LRMDA: variants seen among roughly 807,000 people sequenced by gnomAD.
The protein encoded by LRMDA is leucine-rich melanocyte differentiation-associated protein.
Under a neutral mutation model 29.8 loss-of-function variants are expected in LRMDA, and 18 were observed. That is an observed-to-expected ratio of 0.60 (90% CI 0.42 to 0.90). The LOEUF (loss-of-function observed/expected upper bound fraction) is 0.90, where lower values mean the gene tolerates loss of function less well. Ranked by LOEUF, LRMDA falls within the 40% of genes least tolerant of loss-of-function variation. LRMDA has a pLI of 0.00. For synonymous variants in LRMDA, 125 were observed against 109.4 expected (o/e 1.14, Z -0.89); for missense variants, 273 against 273.9 (o/e 1.00, Z 0.02).
At chr10:75,639,247 A>AT (rs1841424233) in intron 2 of LRMDA, among the ~76,000 whole-genome samples, 2 of 152,154 alleles carry the variant, frequency 1.3e-5, no homozygotes, top group Non-Finnish European at 2.9e-5. Context: ...CAAACAAGGC[A>AT]TTTTTTTGGT....
chr10:76,449,567 G>C (rs1178987997), intron 6 of LRMDA, among the ~76,000 whole-genome samples: 1 of 151,780 alleles, frequency 6.6e-6, no homozygotes, highest in East Asian at 1.9e-4. Flanking sequence ...GAAAACTTAA[G>C]GCATTCATAT....
At chr10:76,332,458 G>A (rs189214442) in intron 6 of LRMDA, among the ~76,000 whole-genome samples, 20 of 152,268 alleles carry the variant, frequency 1.3e-4, no homozygotes, top group African/African-American at 4.8e-4. Flanking sequence ...CTACGAATCT[G>A]GTTTTTCTCT....
At chr10:76,408,358 T>A (rs1466275965) in intron 6 of LRMDA, among the ~76,000 whole-genome samples, 1 of 152,160 alleles carries the variant, frequency 6.6e-6, no homozygotes, top group African/African-American at 2.4e-5. Context: ...CACCTTTGAT[T>A]AGGTCTGCTC....
At chr10:75,837,658 A>T (rs1844463924) in intron 2 of LRMDA, among the ~76,000 whole-genome samples, 1 of 152,150 alleles carries the variant, frequency 6.6e-6, no homozygotes. Context: ...GAAGTGATGG[A>T]TACCCCGTCT....
At chr10:76,405,210 C>T (rs1841890127) in intron 6 of LRMDA, among the ~76,000 whole-genome samples, 1 of 152,148 alleles carries the variant, frequency 6.6e-6, no homozygotes, top group Admixed American at 6.5e-5. Flanking sequence ...AGAATTTGAC[C>T]ATCTTGGTCC....
intron 2 of LRMDA, among the ~76,000 whole-genome samples, chr10:75,959,872 G>C (rs1846732575): frequency 6.6e-6 from 1 of 152,140 alleles, no homozygotes; most frequent in South Asian, 2.1e-4. Flanking sequence ...AAAAACATTT[G>C]GTGCTTCTGT....
intron 2 of LRMDA, among the ~76,000 whole-genome samples, chr10:75,959,770 G>T (rs1846730693): frequency 6.6e-6 from 1 of 152,026 alleles, no homozygotes; most frequent in East Asian, 1.9e-4. Flanking sequence ...CATCCAACTG[G>T]CATCCAACTG....
intron 6 of LRMDA, among the ~76,000 whole-genome samples, chr10:76,448,301 T>A (rs1167754144): frequency 6.6e-6 from 1 of 152,146 alleles, no homozygotes; most frequent in African/African-American, 2.4e-5. Flanking sequence ...GCAATTTTTT[T>A]AACAGCCCCT....
At chr10:76,426,373 T>C (rs943430338) in intron 6 of LRMDA, among the ~76,000 whole-genome samples, 7 of 152,238 alleles carry the variant, frequency 4.6e-5, no homozygotes, top group Non-Finnish European at 8.8e-5. Context: ...CATTTTTTCA[T>C]GTGTCTGTTG....
At chr10:76,187,713 C>T (rs1589368603) in intron 5 of LRMDA, among the ~76,000 whole-genome samples, 1 of 152,114 alleles carries the variant, frequency 6.6e-6, no homozygotes, top group African/African-American at 2.4e-5. Flanking sequence ...GGGGCATGAA[C>T]CTGCCAAGAG....
At chr10:75,680,777 A>G (rs1321897931) in intron 2 of LRMDA, among the ~76,000 whole-genome samples, 1 of 152,140 alleles carries the variant, frequency 6.6e-6, no homozygotes, top group Non-Finnish European at 1.5e-5. Flanking sequence ...TGAGAGGCCA[A>G]GGGAGGAGGA....
At chr10:76,041,601 G>A (rs776684837) in intron 3 of LRMDA, among the ~76,000 whole-genome samples, 3 of 152,206 alleles carry the variant, frequency 2.0e-5, no homozygotes, top group Non-Finnish European at 4.4e-5. Flanking sequence ...CCCAGAGGGA[G>A]GGATGTGTCC....
rs574775051 is a variant in LRMDA at position 75,641,891 on chromosome 10, GAAGA to G, written c.131+203402_131+203405del. Among the ~76,000 whole-genome samples the G allele has an allele frequency of 6.6e-3, 998 of 152,262 alleles. 6 individuals are homozygous for G. Among genetic ancestry groups the G allele is most frequent in the Non-Finnish European group, 0.011 (782 of 68,010 alleles). ...GCAAGACCCCTACCTCTTAAAAAAA[GAAGA>G]AAGATAAATATTCTTTGTCAGGCCA... On this transcript the variant is annotated intron_variant, in intron 2 of 6. Coordinates refer to ENST00000611255, the MANE Select transcript of LRMDA (RefSeq NM_001305581.2).
intron 2 of LRMDA, among the ~76,000 whole-genome samples, chr10:75,698,633 C>T (rs1443279401): frequency 8.3e-6 from 1 of 120,558 alleles, no homozygotes; most frequent in African/African-American, 3.0e-5. Context: ...TTTTTGTCTT[C>T]AACAGTGGTC....
chr10:75,643,635 A>G (rs1339142551), intron 2 of LRMDA, among the ~76,000 whole-genome samples: 8 of 152,238 alleles, frequency 5.3e-5, no homozygotes, highest in Non-Finnish European at 1.2e-4. Flanking sequence ...CATATGCCAC[A>G]TCAGATTTCT....
At chr10:75,953,895 A>T (rs1846620421) in intron 2 of LRMDA, among the ~76,000 whole-genome samples, 1 of 152,170 alleles carries the variant, frequency 6.6e-6, no homozygotes, top group African/African-American at 2.4e-5. Context: ...GGATCTTAAA[A>T]AGGGGGATTA....
chr10:75,989,934 T>TC (rs1305403606), intron 2 of LRMDA, among the ~76,000 whole-genome samples: 1 of 151,578 alleles, frequency 6.6e-6, no homozygotes, highest in East Asian at 1.9e-4. Context: ...CATGGTGAAA[T>TC]CCCCCCCGCT....
chr10:76,063,989 A>G (rs1176473375), intron 5 of LRMDA, among the ~76,000 whole-genome samples: 11 of 152,140 alleles, frequency 7.2e-5, no homozygotes, highest in African/African-American at 2.7e-4. Context: ...TCTAGTACCT[A>G]GTCTATAGCA....
chr10:76,152,867 G>A (rs1461265395), intron 5 of LRMDA, among the ~76,000 whole-genome samples: 1 of 151,050 alleles, frequency 6.6e-6, no homozygotes, highest in Admixed American at 6.6e-5. Context: ...TTGAGACAGA[G>A]TATCACTCTG....
Sources: gnomAD v4.1 joint callset for allele counts (sites outside exome capture counted in the v4.1 genomes callset) on GRCh38, gnomAD v4.1.1 for gene constraint, MANE v1.5 for transcripts, NCBI Gene and HGNC (gene_info 2026-07-23, HGNC 2026-07-21) for gene names.